Variants in PPFIA3 observed in about 807,000 individuals in gnomAD.
The protein encoded by PPFIA3 is liprin-alpha-3.
Under a neutral mutation model 145.8 loss-of-function variants are expected in PPFIA3, and 26 were observed. That is an observed-to-expected ratio of 0.18 (90% CI 0.13 to 0.25). The LOEUF (loss-of-function observed/expected upper bound fraction) is 0.25. PPFIA3 is among the 10% of genes least tolerant of loss of function. PPFIA3 has a pLI of 1.00. For missense variants in PPFIA3, 1,008 were observed against 1,587.8 expected (o/e 0.63, Z 6.21); for synonymous variants, 645 against 661.4 (o/e 0.98, Z 0.38).
chr19:49,132,879 C>T (rs1016327224), intron 7 of PPFIA3, 122 bp from the exon 8 acceptor site: 4 of 1,288,356 alleles, frequency 3.1e-6, no homozygotes, highest in African/African-American at 1.5e-5. Flanking sequence ...GAGCTCTTAG[C>T]GGGTGTGACA....
intron 11 of PPFIA3, 148 bp downstream of exon 11, chr19:49,134,313 T>G: frequency 8.8e-7 from 1 of 1,139,498 alleles, no homozygotes; most frequent in Non-Finnish European, 1.2e-6. Context: ...CTCTGCTCTA[T>G]TGCCCAGACC....
In PPFIA3 at chr19:49,133,502, G is replaced by C; in HGVS notation, c.1161+131G>C. ...TTGGGGGAAAGGGTGGGGCCTAGGG[G>C]CTGGGAAAGGGACAGGACTTGGAAT... On this transcript the variant is annotated intron_variant, in intron 9 of 29. Transcript: ENST00000334186. The surrounding 1 kb of genome is among the most constrained non-coding windows in gnomAD (Gnocchi z 7.2). The C allele has an allele frequency of 1.7e-6, 2 of 1,197,078 alleles. No homozygotes were observed. Among genetic ancestry groups the C allele is most frequent in the South Asian group, 3.2e-5 (2 of 63,044 alleles). 74.2% of individuals were successfully genotyped at this position (1,197,078 alleles called of 1,614,324 possible). A position where few individuals can be genotyped will look rare whatever the true frequency, so the allele number is the denominator to read the frequency against.
In PPFIA3 at chr19:49,120,615, A is replaced by C. The variant is rs183699610; in HGVS notation, c.-16+893A>C. 6.6e-6 allele frequency among the ~76,000 whole-genome samples: 1 copy of C among 152,224 alleles called. No individual in the cohort carries two copies. The highest frequency in any genetic ancestry group is 6.5e-5 in the Admixed American group (1 of 15,294). On this transcript the variant is annotated intron_variant, in intron 1 of 29. Coordinates refer to ENST00000334186, the MANE Select transcript of PPFIA3 (RefSeq NM_003660.4). This position sits in a 1 kb window ranked among gnomAD's most constrained non-coding sequence, Gnocchi z 4.6. Reference sequence around the variant, plus strand: ...TAGAACCCCGCTGTGCCCTGCAGACACACAGACTTAGCCTCCTGGCACCCA... The same window carrying C: ...TAGAACCCCGCTGTGCCCTGCAGACCCACAGACTTAGCCTCCTGGCACCCA...
chr19:49,148,031 G>A, intron 23 of PPFIA3, 52 bp from the exon 24 acceptor site: 1 of 1,560,594 alleles, frequency 6.4e-7, no homozygotes, highest in Non-Finnish European at 8.7e-7. Flanking sequence ...CTCATGCACA[G>A]TGGGAAGGGG....
At chr19:49,141,953 A>C in intron 19 of PPFIA3, 81 bp from the exon 20 acceptor site, 1 of 863,398 alleles carries the variant, frequency 1.2e-6, no homozygotes, top group Non-Finnish European at 1.8e-6. Flanking sequence ...GTGTGTGTGT[A>C]TGTGTGCTGA....
chr19:49,141,442 ACTGGCCACTGACCCT>A lies in PPFIA3; in HGVS notation c.2396_2410del (p.Ala799_Leu803del). 6.2e-7 allele frequency: 1 copy of A among 1,614,092 alleles called. No homozygotes were observed. Among genetic ancestry groups the A allele is most frequent in the Non-Finnish European group, 8.5e-7 (1 of 1,179,974 alleles). On this transcript the variant is annotated inframe_deletion, in exon 19 of 30. Transcript: ENST00000334186. ...CAGCTGGAACACCCTCAGATGAGAC[ACTGGCCACTGACCCT>A]CTGGGGCTAGCCAAGCTGACAGGCC...
At chr19:49,132,222 C>T (rs138661153) in intron 7 of PPFIA3, among the ~76,000 whole-genome samples, 2,372 of 151,182 alleles carry the variant, frequency 0.016, 58 homozygotes, top group African/African-American at 0.043. Context: ...ACCCCCGTCT[C>T]TACTGAAAAT....
At position 49,128,816 on chromosome 19, in the gene PPFIA3, C is replaced by T. The variant is rs750987739; in HGVS notation, c.343-32C>T. The T allele has an allele frequency of 1.9e-6, 3 of 1,554,724 alleles. No homozygotes were observed. The highest frequency in any genetic ancestry group is 1.7e-6 in the Non-Finnish European group (2 of 1,151,360). On this transcript the variant is annotated intron_variant, in intron 3 of 29. Coordinates refer to ENST00000334186, the MANE Select transcript of PPFIA3 (RefSeq NM_003660.4). The surrounding 1 kb of genome is among the most constrained non-coding windows in gnomAD (Gnocchi z 4.1). Reference sequence around the variant, plus strand: ...CACATCTGCCCCTTTTCCCTTGCCTCTTTTCCTTGACCCCATGCCGTGTGC... The same window carrying T: ...CACATCTGCCCCTTTTCCCTTGCCTTTTTTCCTTGACCCCATGCCGTGTGC...
chr19:49,129,521 G>A (rs1600329092), intron 5 of PPFIA3, 67 bp downstream of exon 5: 11 of 1,500,430 alleles, frequency 7.3e-6, no homozygotes, highest in East Asian at 2.5e-5. Context: ...CCCACGGGGC[G>A]GAGCCGGTTG....
intron 19 of PPFIA3, 97 bp from the exon 20 acceptor site, chr19:49,141,937 A>ATG (rs113859565): frequency 0.38 from 266,744 of 708,744 alleles, 35,611 homozygotes; most frequent in African/African-American, 0.51. Flanking sequence ...GCGTATGTGC[A>ATG]TGTGTGTGTG....
At chr19:49,132,342 T>A (rs950325638) in intron 7 of PPFIA3, among the ~76,000 whole-genome samples, 5 of 121,820 alleles carry the variant, frequency 4.1e-5, no homozygotes, top group Non-Finnish European at 7.9e-5. Flanking sequence ...TGAGCCGAGA[T>A]CGCACCACTG....
intron 16 of PPFIA3, 126 bp from the exon 17 acceptor site, chr19:49,139,542 T>A: frequency 7.6e-6 from 5 of 655,966 alleles, no homozygotes; most frequent in South Asian, 4.2e-5. Context: ...TGAGCTAGAC[T>A]ACCTTCGTAT....
chr19:49,137,177 T>C (rs2041148993), intron 15 of PPFIA3: 1 of 360,296 alleles, frequency 2.8e-6, no homozygotes, highest in African/African-American at 2.1e-5. Flanking sequence ...GCCCAGTTCC[T>C]CTTGATGCAT....
chr19:49,129,272 C>G lies in PPFIA3; in HGVS notation c.508-108C>G, dbSNP rs985179620. ...TGCATACCCGTTATGGAGACAGGAG[C>G]CCCAACGCTGCCCTATCGGATCCGT... On this transcript the variant is annotated intron_variant, in intron 4 of 29. Coordinates refer to ENST00000334186, the MANE Select transcript of PPFIA3 (RefSeq NM_003660.4). 15 of 1,191,322 alleles carry G rather than the reference C, an allele frequency of 1.3e-5. No individual in the cohort carries two copies. In the Admixed American group the frequency reaches 3.7e-4, roughly 29 times the overall value. The allele number at this position is 1,191,322 out of a possible 1,614,324, so 73.8% of individuals were successfully genotyped here. A position where few individuals can be genotyped will look rare whatever the true frequency, so the allele number is the denominator to read the frequency against.
At chr19:49,131,932 C>G (rs537992063) in intron 7 of PPFIA3, among the ~76,000 whole-genome samples, 7 of 151,264 alleles carry the variant, frequency 4.6e-5, no homozygotes, top group African/African-American at 1.7e-4. Flanking sequence ...ATGGCGTGAA[C>G]CCGGGAGGCA....
intron 1 of PPFIA3, among the ~76,000 whole-genome samples, chr19:49,121,023 C>T (rs535029299): frequency 6.6e-6 from 1 of 152,318 alleles, no homozygotes; most frequent in South Asian, 2.1e-4. Context: ...CATCACTCTG[C>T]CCCATCAACT....
Position 49,132,984 on chromosome 19 carries a change from C to G in PPFIA3, c.880-17C>G, listed in dbSNP as rs2041093211. On this transcript the variant is annotated splice_polypyrimidine_tract_variant and intron_variant, in intron 7 of 29. Coordinates refer to ENST00000334186, the MANE Select transcript of PPFIA3 (RefSeq NM_003660.4). ...CCAGGGGCTCGCAGTCCACGGGGCC[C>G]TTTGCTACCTCCGCAGGCGCTGGCG... The G allele has an allele frequency of 1.2e-6, 2 of 1,607,378 alleles. No individual in the cohort carries two copies. Among genetic ancestry groups the G allele is most frequent in the Non-Finnish European group, 1.7e-6 (2 of 1,177,848 alleles).
At chr19:49,126,369 C>T (rs1279697803) in intron 1 of PPFIA3, among the ~76,000 whole-genome samples, 1 of 152,114 alleles carries the variant, frequency 6.6e-6, no homozygotes, top group Non-Finnish European at 1.5e-5. Context: ...GTGCCTCAGC[C>T]TCCCCAGTGG....
chr19:49,151,007 A>C lies in PPFIA3; in HGVS notation c.*785A>C. ...CAGGCGTCACTCAGTGATCACGGGT[A>C]AAGAGAACTGTTTCAAAAAGCTTCC... On this transcript the variant is annotated 3_prime_UTR_variant, in exon 30 of 30. Coordinates refer to ENST00000334186, the MANE Select transcript of PPFIA3 (RefSeq NM_003660.4). The C allele has an allele frequency of 9.8e-6, 3 of 307,648 alleles. No individual in the cohort carries two copies. Among genetic ancestry groups the C allele is most frequent in the Admixed American group, 5.1e-5 (1 of 19,774 alleles). 19.1% of individuals were successfully genotyped at this position (307,648 alleles called of 1,614,324 possible).
Sources: allele counts gnomAD v4.1 joint callset (sites outside exome capture counted in the v4.1 genomes callset), GRCh38; gene constraint gnomAD v4.1.1; non-coding constraint Gnocchi (gnomAD v3.1); transcripts MANE v1.5; gene names NCBI Gene and HGNC (gene_info 2026-07-23, HGNC 2026-07-21).